PARP15: variants seen among roughly 807,000 people sequenced by gnomAD.
PARP15 encodes protein mono-ADP-ribosyltransferase PARP15.
In PARP15, 50 loss-of-function variants were observed where a neutral mutation model predicts 62.1. The ratio of observed to expected loss-of-function variants is 0.81; its 90% CI spans 0.64 to 1.02. The LOEUF is 1.02. Among genes scored for constraint, PARP15 ranks in the 50% least tolerant of loss-of-function variants. The pLI, the probability that PARP15 is intolerant of heterozygous loss-of-function variation, is 0.00. For missense variants in PARP15, 820 were observed against 826.5 expected (o/e 0.99, Z 0.10); for synonymous variants, 309 against 293.1 (o/e 1.05, Z -0.55).
chr3:122,620,681 T>C (rs945011325), intron 7 of PARP15, among the ~76,000 whole-genome samples: 1 of 135,772 alleles, frequency 7.4e-6, no homozygotes, highest in South Asian at 2.3e-4. Context: ...GAGCAGAGGA[T>C]GAAGGTGGGC....
intron 6 of PARP15, among the ~76,000 whole-genome samples, chr3:122,619,048 C>G (rs137900661): frequency 0.022 from 3,380 of 152,236 alleles, 52 homozygotes; most frequent in Non-Finnish European, 0.034. Context: ...ATATAGATAT[C>G]TTCATAATGA....
chr3:122,638,164 G>A lies in PARP15; in HGVS notation c.*2064G>A, dbSNP rs1232824544. The stretch of plus-strand genomic sequence containing the variant: ...TTATGGCTGCATAGTATTCCATGGT[G>A]TATATGTGCCACATTTTCTTAATCC... On this transcript the variant is annotated 3_prime_UTR_variant, in exon 12 of 12. Coordinates refer to ENST00000464300, the MANE Select transcript of PARP15 (RefSeq NM_001113523.3). 2 of 152,074 alleles carry A rather than the reference G, an allele frequency of 1.3e-5. No individual in the cohort carries two copies. Among genetic ancestry groups the A allele is most frequent in the East Asian group, 1.9e-4 (1 of 5,200 alleles). The allele number at this position is 152,074 out of a possible 1,614,324, so 9.4% of individuals were successfully genotyped here. A position where few individuals can be genotyped will look rare whatever the true frequency, so the allele number is the denominator to read the frequency against.
intron 1 of PARP15, among the ~76,000 whole-genome samples, chr3:122,598,761 A>G (rs1419352878): frequency 1.3e-5 from 2 of 152,210 alleles, no homozygotes; most frequent in Non-Finnish European, 2.9e-5. Flanking sequence ...TACTTTCACT[A>G]TCCAAGAAGG....
At chr3:122,619,635 C>T (rs1473259565) in intron 6 of PARP15, 146 bp from the exon 7 acceptor site, 3 of 679,086 alleles carry the variant, frequency 4.4e-6, no homozygotes, top group Non-Finnish European at 2.7e-6. Flanking sequence ...GTGGAGGTTG[C>T]TATAGAAAGA....
At chr3:122,609,220 G>A (rs922113264) in intron 2 of PARP15, among the ~76,000 whole-genome samples, 19 of 151,942 alleles carry the variant, frequency 1.3e-4, no homozygotes, top group Admixed American at 1.2e-3. Flanking sequence ...CTCTGCAAGG[G>A]GCTTCTCAGA....
chr3:122,615,781 ATTT>A lies in PARP15; in HGVS notation c.777_779del (p.Phe259del). ...TCAGTAACTGTTTCTATTTCCAGGC[ATTT>A]TTAGATGAATTCACTAACTGGTCAA... On this transcript the variant is annotated inframe_deletion, in exon 5 of 12. Coordinates refer to ENST00000464300, the MANE Select transcript of PARP15 (RefSeq NM_001113523.3). 6.2e-7 allele frequency: 1 copy of A among 1,612,740 alleles called. No homozygotes were observed. Among genetic ancestry groups the A allele is most frequent in the Non-Finnish European group, 8.5e-7 (1 of 1,178,758 alleles).
At chr3:122,584,558 T>C (rs1284179073) in intron 1 of PARP15, among the ~76,000 whole-genome samples, 1 of 145,170 alleles carries the variant, frequency 6.9e-6, no homozygotes, top group Non-Finnish European at 1.5e-5. Context: ...TAAGGAAATA[T>C]TCATCCATTT....
At chr3:122,623,786 T>C (rs1042211989) in intron 8 of PARP15, among the ~76,000 whole-genome samples, 2 of 152,232 alleles carry the variant, frequency 1.3e-5, no homozygotes, top group African/African-American at 4.8e-5. Flanking sequence ...CAGGTGATTT[T>C]GATGATGCCT....
chr3:122,580,713 T>G (rs2080785596), intron 1 of PARP15, among the ~76,000 whole-genome samples: 1 of 152,198 alleles, frequency 6.6e-6, no homozygotes, highest in Non-Finnish European at 1.5e-5. Flanking sequence ...TGAATAATAT[T>G]TTATACGTAT....
At chr3:122,598,546 T>A (rs1371725567) in intron 1 of PARP15, among the ~76,000 whole-genome samples, 2 of 152,164 alleles carry the variant, frequency 1.3e-5, no homozygotes, top group African/African-American at 2.4e-5. Flanking sequence ...GATTGAGTTA[T>A]CTGTGGGAGG....
intron 8 of PARP15, among the ~76,000 whole-genome samples, chr3:122,626,222 G>A (rs1338453799): frequency 1.5e-5 from 2 of 136,662 alleles, no homozygotes; most frequent in South Asian, 2.3e-4. Flanking sequence ...TTTTTGAGAC[G>A]GAGTCTTGCT....
Position 122,636,329 on chromosome 3 carries a change from A to G in PARP15, c.*229A>G. 2.0e-6 allele frequency: 1 copy of G among 500,058 alleles called. No individual in the cohort carries two copies. Among genetic ancestry groups the G allele is most frequent in the Non-Finnish European group, 3.6e-6 (1 of 280,430 alleles). 31.0% of individuals were successfully genotyped at this position (500,058 alleles called of 1,614,324 possible). On this transcript the variant is annotated 3_prime_UTR_variant, in exon 12 of 12. Transcript: ENST00000464300. ...AATGTATGGTAAATGTCACAGAGCT[A>G]CAACCATTCACAGACACCAAATCTC...
intron 9 of PARP15, among the ~76,000 whole-genome samples, chr3:122,627,358 T>A (rs921859890): frequency 2.0e-5 from 3 of 152,154 alleles, no homozygotes; most frequent in Non-Finnish European, 2.9e-5. Context: ...GACCCTCATT[T>A]CCTCTTGGAG....
chr3:122,586,227 T>C (rs1933415749), intron 1 of PARP15, among the ~76,000 whole-genome samples: 2 of 17,892 alleles, frequency 1.1e-4, no homozygotes, highest in Non-Finnish European at 4.2e-4. Context: ...ATGTTAAACG[T>C]ATTTTTTTTT....
chr3:122,593,120 C>CTATG (rs1378385310), intron 1 of PARP15, among the ~76,000 whole-genome samples: 4 of 30,532 alleles, frequency 1.3e-4, no homozygotes, highest in African/African-American at 1.7e-4. Flanking sequence ...ATCTATCTAT[C>CTATG]TATGTATCTA....
intron 5 of PARP15, 82 bp from the exon 6 acceptor site, chr3:122,616,933 G>A (rs1936013288): frequency 6.8e-6 from 10 of 1,467,276 alleles, no homozygotes; most frequent in Non-Finnish European, 9.3e-6. Context: ...GCTGAGCTGG[G>A]AAGAGAATAG....
chr3:122,585,288 A>G (rs935692453), intron 1 of PARP15, among the ~76,000 whole-genome samples: 4 of 152,234 alleles, frequency 2.6e-5, no homozygotes, highest in African/African-American at 9.6e-5. Context: ...TCAAAGCTGC[A>G]GAGAGTAGTG....
chr3:122,618,702 G>C (rs569065344), intron 6 of PARP15, among the ~76,000 whole-genome samples: 1 of 152,172 alleles, frequency 6.6e-6, no homozygotes, highest in Non-Finnish European at 1.5e-5. Context: ...TTTGGACTTA[G>C]GGCACCAGGC....
At chr3:122,626,534 T>A (rs546061907) in intron 8 of PARP15, among the ~76,000 whole-genome samples, 1 of 152,246 alleles carries the variant, frequency 6.6e-6, no homozygotes, top group South Asian at 2.1e-4. Context: ...GATAGGGAGA[T>A]ATTTGGCCAT....
Sources: allele counts gnomAD v4.1 joint callset (sites outside exome capture counted in the v4.1 genomes callset), GRCh38; gene constraint gnomAD v4.1.1; transcripts MANE v1.5; gene names NCBI Gene and HGNC (gene_info 2026-07-23, HGNC 2026-07-21).